Variants in CEP63 observed in about 807,000 individuals in gnomAD.
CEP63 encodes centrosomal protein 63, also known as centrosomal protein of 63 kDa.
In CEP63, 84 loss-of-function variants were observed where a neutral mutation model predicts 89.1. That is an observed-to-expected ratio of 0.94 (90% CI 0.79 to 1.13). The LOEUF is 1.13. Among genes scored for constraint, CEP63 ranks in the 50% most tolerant of loss-of-function variants. The pLI is 0.00. For missense variants in CEP63, 838 were observed against 813.3 expected, an observed-to-expected ratio of 1.03 and a Z score of -0.37; for synonymous variants, 267 against 272.5, an observed-to-expected ratio of 0.98 and a Z score of 0.20.
intron 10 of CEP63, among the ~76,000 whole-genome samples, chr3:134,581,076 G>T (rs1389966140): frequency 6.1e-5 from 9 of 147,516 alleles, no homozygotes; most frequent in Non-Finnish European, 1.2e-4. Context: ...GCCAAGGAAT[G>T]CAGGCAGCCT....
At chr3:134,726,576 A>T in the CEP63 span, among the ~76,000 whole-genome samples, 4 of 151,850 alleles carry the variant, frequency 2.6e-5, no homozygotes, top group South Asian at 8.3e-4. Flanking sequence ...TCCTTGCAGC[A>T]TAACACATCA....
chr3:134,738,966 T>TAA, the CEP63 span, among the ~76,000 whole-genome samples: 10,764 of 146,588 alleles, frequency 0.073, 474 homozygotes, highest in East Asian at 0.12. Flanking sequence ...ATGGCTATAA[T>TAA]AAAAAAAAAA....
chr3:134,651,488 G>C, the CEP63 span: 2 of 1,006,918 alleles, frequency 2.0e-6, no homozygotes, highest in African/African-American at 3.5e-5. Flanking sequence ...AGGGGCTCCA[G>C]ATTGAATTGC....
chr3:134,557,260 T>C (rs2110068590), intron 12 of CEP63, among the ~76,000 whole-genome samples: 1 of 152,246 alleles, frequency 6.6e-6, no homozygotes. Context: ...AAAGATTTTG[T>C]AGCTCATAGT....
At chr3:134,768,438 G>T in the CEP63 span, among the ~76,000 whole-genome samples, 7 of 152,186 alleles carry the variant, frequency 4.6e-5, no homozygotes, top group African/African-American at 1.2e-4. Flanking sequence ...TTAAGGCCAT[G>T]AAAGGCTTTA....
At chr3:134,497,067 C>T (rs144268517) in intron 2 of CEP63, among the ~76,000 whole-genome samples, 49 of 152,230 alleles carry the variant, frequency 3.2e-4, no homozygotes, top group African/African-American at 1.1e-3. Flanking sequence ...ATTTGTATGT[C>T]TTCTTTAGAG....
chr3:134,647,137 A>G, the CEP63 span, among the ~76,000 whole-genome samples: 2 of 152,232 alleles, frequency 1.3e-5, no homozygotes, highest in Non-Finnish European at 2.9e-5. Context: ...GCACACTCAA[A>G]CCTCACCATC....
chr3:134,522,573 A>C (rs1272849770), intron 3 of CEP63, among the ~76,000 whole-genome samples: 1 of 152,128 alleles, frequency 6.6e-6, no homozygotes, highest in Non-Finnish European at 1.5e-5. Context: ...TCACCCAGGT[A>C]TTAAGCCTAG....
rs984305786 is a variant in CEP63, at chr3:134,587,508, TG to T, written c.1260del (p.Tyr421IlefsTer14). 6.6e-6 allele frequency among the ~76,000 whole-genome samples: 1 copy of T among 152,210 alleles called. No homozygotes were observed. Among genetic ancestry groups the T allele is most frequent in the African/African-American group, 2.4e-5 (1 of 41,440 alleles). ...AGGTCCACTCCAGACGCTGTTTGCCTGGGTATCACCAGCGGAGGCTGCAGAA... is the reference window on the plus strand; with the variant it reads ...AGGTCCACTCCAGACGCTGTTTGCCTGGTATCACCAGCGGAGGCTGCAGAA... On this transcript the variant is annotated frameshift_variant, in exon 11 of 11. Transcript: ENST00000683931. LOFTEE classifies it high-confidence loss of function.
chr3:134,595,577 G>T, the CEP63 span, among the ~76,000 whole-genome samples: 2 of 152,202 alleles, frequency 1.3e-5, no homozygotes, highest in African/African-American at 4.8e-5. Flanking sequence ...CTTTCCTAGT[G>T]AACCCAGTTG....
chr3:134,704,536 GT>G, the CEP63 span, among the ~76,000 whole-genome samples: 5 of 152,356 alleles, frequency 3.3e-5, no homozygotes, highest in Non-Finnish European at 7.3e-5. Context: ...ATTCTTAGAA[GT>G]TTGTTCCACT....
At chr3:134,544,993 T>G (rs1952935747) in intron 6 of CEP63, among the ~76,000 whole-genome samples, 1 of 151,860 alleles carries the variant, frequency 6.6e-6, no homozygotes. Flanking sequence ...TTGTATTTTA[T>G]TTGTTTGTTT....
chr3:134,504,487 G>T (rs1942948802), intron 2 of CEP63, among the ~76,000 whole-genome samples: 1 of 152,178 alleles, frequency 6.6e-6, no homozygotes, highest in Non-Finnish European at 1.5e-5. Context: ...ATCCTTATAT[G>T]TGAGGAACTC....
At position 134,562,136 on chromosome 3, in the gene CEP63, G is replaced by A; in HGVS notation, c.*601G>A. On this transcript the variant is annotated 3_prime_UTR_variant, in exon 15 of 15. Transcript: ENST00000675561. ...ACACTCATGCAGAGGAGAGAGGCAG[G>A]GAGGGCAAGGGACTGGCTGTCATGC... is the stretch of plus-strand genomic sequence containing the variant. The A allele has an allele frequency of 2.9e-5, 29 of 988,118 alleles. No individual in the cohort carries two copies. Among genetic ancestry groups the A allele is most frequent in the Non-Finnish European group, 3.5e-5 (29 of 831,708 alleles). 61.2% of individuals were successfully genotyped at this position (988,118 alleles called of 1,614,324 possible).
At chr3:134,686,120 T>C in the CEP63 span, among the ~76,000 whole-genome samples, 3 of 152,126 alleles carry the variant, frequency 2.0e-5, no homozygotes, top group African/African-American at 7.2e-5. Context: ...GGAAAGAGCA[T>C]GGAAAGAACC....
At chr3:134,553,552 A>G (rs1314485307) in intron 12 of CEP63, 4 of 152,206 alleles carry the variant, frequency 2.6e-5, no homozygotes, top group Non-Finnish European at 5.9e-5. Context: ...TATCTAGTAA[A>G]CAAAGAAAAC....
chr3:134,579,355 T>C (rs760152131), downstream of CEP63, among the ~76,000 whole-genome samples: 1 of 152,212 alleles, frequency 6.6e-6, no homozygotes, highest in African/African-American at 2.4e-5. Flanking sequence ...CTTTTAAAAA[T>C]ACCAAGCTGT....
chr3:134,517,799 A>G (rs758214935), intron 3 of CEP63, among the ~76,000 whole-genome samples: 7 of 152,218 alleles, frequency 4.6e-5, no homozygotes, highest in Non-Finnish European at 7.3e-5. Flanking sequence ...ATGCAGATAA[A>G]ATATCTCAGA....
the CEP63 span, among the ~76,000 whole-genome samples, chr3:134,761,716 A>G: frequency 3.3e-5 from 5 of 151,668 alleles, no homozygotes; most frequent in Admixed American, 3.3e-4. Context: ...GAAATTCACA[A>G]CAAAATTTGT....
Sources: gnomAD v4.1 joint callset for allele counts (sites outside exome capture counted in the v4.1 genomes callset) on GRCh38, gnomAD v4.1.1 for gene constraint, MANE v1.5 for transcripts, NCBI Gene and HGNC (gene_info 2026-07-23, HGNC 2026-07-21) for gene names.